PLXDC2: variants seen among roughly 807,000 people sequenced by gnomAD.
PLXDC2 encodes plexin domain containing 2.
PLXDC2 carries 40 observed loss-of-function variants against 68.9 expected under a neutral mutation model. That is an observed-to-expected ratio of 0.58 (90% CI 0.45 to 0.76). The LOEUF is 0.76. Among genes scored for constraint, PLXDC2 ranks in the 30% least tolerant of loss-of-function variants. The pLI is 0.00. For missense variants in PLXDC2, 644 were observed against 661.9 expected (o/e 0.97, Z 0.30); for synonymous variants, 243 against 234.2 (o/e 1.04, Z -0.34).
At chr10:20,148,322 G>A (rs551205369) in intron 6 of PLXDC2, among the ~76,000 whole-genome samples, 107 of 151,096 alleles carry the variant, frequency 7.1e-4, no homozygotes, top group African/African-American at 2.4e-3. Context: ...AATTTCAAAA[G>A]CATTTATAGA....
chr10:19,948,956 C>A (rs1011598140), intron 1 of PLXDC2, among the ~76,000 whole-genome samples: 3 of 151,520 alleles, frequency 2.0e-5, no homozygotes, highest in Non-Finnish European at 4.4e-5. Flanking sequence ...ATGGTGAAAC[C>A]CTGTCTTTAC....
chr10:19,817,001 C>A lies in PLXDC2; in HGVS notation c.-79C>A. On this transcript the variant is annotated 5_prime_UTR_variant, in exon 1 of 14. Coordinates refer to ENST00000377252, the MANE Select transcript of PLXDC2 (RefSeq NM_032812.9). ...CGAGACCGATCCGCAGCGTTTGGCC[C>A]GGTCGTGCCTATTGCATCGGGAGCC... 9.4e-7 allele frequency: 1 copy of A among 1,062,990 alleles called. No individual in the cohort carries two copies. The highest frequency in any genetic ancestry group is 1.4e-6 in the Non-Finnish European group (1 of 719,522). The allele number at this position is 1,062,990 out of a possible 1,614,324, so 65.8% of individuals were successfully genotyped here.
intron 1 of PLXDC2, among the ~76,000 whole-genome samples, chr10:19,839,184 C>T (rs1030295421): frequency 8.5e-6 from 1 of 118,326 alleles, no homozygotes; most frequent in Non-Finnish European, 1.7e-5. Context: ...GAAACTCAGT[C>T]TCAAAAAAAA....
At chr10:20,134,371 G>T (rs1278145445) in intron 4 of PLXDC2, among the ~76,000 whole-genome samples, 3 of 152,164 alleles carry the variant, frequency 2.0e-5, no homozygotes, top group African/African-American at 4.8e-5. Flanking sequence ...TGTTGACAAA[G>T]AATGTCCTTC....
intron 1 of PLXDC2, among the ~76,000 whole-genome samples, chr10:19,839,414 C>T (rs1411300347): frequency 3.3e-5 from 5 of 152,128 alleles, no homozygotes; most frequent in African/African-American, 9.7e-5. Context: ...GTGAGCTTTA[C>T]GTGTGTCCCA....
At chr10:20,129,556 T>C (rs1176818767) in intron 4 of PLXDC2, among the ~76,000 whole-genome samples, 2 of 151,284 alleles carry the variant, frequency 1.3e-5, no homozygotes, top group Admixed American at 1.3e-4. Flanking sequence ...CACATATATA[T>C]GTGTATATAT....
chr10:19,983,126 C>G lies in PLXDC2; in HGVS notation c.113-18649C>G, dbSNP rs1442250316. On this transcript the variant is annotated intron_variant, in intron 1 of 13. Coordinates refer to ENST00000377252, the MANE Select transcript of PLXDC2 (RefSeq NM_032812.9). ...TAAGCAGCATATCTCTGTAGGTAACCTCCACTTAATCACTAAAGAGAAAAT... is the reference window on the plus strand; with the variant it reads ...TAAGCAGCATATCTCTGTAGGTAACGTCCACTTAATCACTAAAGAGAAAAT... Among the ~76,000 whole-genome samples the G allele has an allele frequency of 2.0e-5, 3 of 152,166 alleles. No individual in the cohort carries two copies. In the South Asian group the frequency reaches 6.2e-4, roughly 32 times the overall value.
At chr10:19,898,679 G>A (rs1300674943) in intron 1 of PLXDC2, among the ~76,000 whole-genome samples, 1 of 152,128 alleles carries the variant, frequency 6.6e-6, no homozygotes, top group Non-Finnish European at 1.5e-5. Context: ...CTGGATCAGT[G>A]GAAGTTGAGA....
At chr10:20,074,821 A>T (rs1836410486) in intron 4 of PLXDC2, among the ~76,000 whole-genome samples, 1 of 151,944 alleles carries the variant, frequency 6.6e-6, no homozygotes, top group Non-Finnish European at 1.5e-5. Flanking sequence ...TGGTGTATCC[A>T]TTAACTTTCT....
chr10:19,992,706 C>A (rs147821261), intron 1 of PLXDC2, among the ~76,000 whole-genome samples: 1 of 152,138 alleles, frequency 6.6e-6, no homozygotes, highest in African/African-American at 2.4e-5. Context: ...AAAACAACAA[C>A]CAATATTACT....
chr10:19,922,706 T>C (rs564482893), intron 1 of PLXDC2, among the ~76,000 whole-genome samples: 1 of 152,330 alleles, frequency 6.6e-6, no homozygotes, highest in East Asian at 1.9e-4. Context: ...CTCAGCTTAG[T>C]GATTTCAGTG....
chr10:19,848,629 G>A (rs1398288234), intron 1 of PLXDC2, among the ~76,000 whole-genome samples: 1 of 152,188 alleles, frequency 6.6e-6, no homozygotes, highest in Admixed American at 6.5e-5. Flanking sequence ...AATAACTGTT[G>A]TCATTGTTGT....
At chr10:20,228,474 A>G (rs1260664435) in intron 12 of PLXDC2, among the ~76,000 whole-genome samples, 1 of 152,010 alleles carries the variant, frequency 6.6e-6, no homozygotes, top group Non-Finnish European at 1.5e-5. Flanking sequence ...AGGTGGGAGG[A>G]TTGCTTGAGA....
At chr10:19,857,317 C>T (rs181056657) in intron 1 of PLXDC2, among the ~76,000 whole-genome samples, 31 of 152,278 alleles carry the variant, frequency 2.0e-4, no homozygotes, top group Admixed American at 1.0e-3. Context: ...AATCCTCTCT[C>T]GCTGTCCTCT....
chr10:19,935,787 G>C (rs1295233898), intron 1 of PLXDC2, among the ~76,000 whole-genome samples: 1 of 152,188 alleles, frequency 6.6e-6, no homozygotes, highest in Non-Finnish European at 1.5e-5. Flanking sequence ...GTATTCAAAA[G>C]CACATTTTAG....
chr10:19,911,226 A>T (rs1278739271), intron 1 of PLXDC2, among the ~76,000 whole-genome samples: 1 of 151,956 alleles, frequency 6.6e-6, no homozygotes, highest in Admixed American at 6.6e-5. Flanking sequence ...GGCCAGAAAC[A>T]TGAAAGGAAT....
chr10:20,025,639 A>G (rs1835387535), intron 2 of PLXDC2, among the ~76,000 whole-genome samples: 1 of 152,076 alleles, frequency 6.6e-6, no homozygotes, highest in Non-Finnish European at 1.5e-5. Context: ...TTCTCTGACG[A>G]TTAGTGGTGA....
At chr10:20,057,639 G>C (rs1836022053) in intron 3 of PLXDC2, among the ~76,000 whole-genome samples, 1 of 152,014 alleles carries the variant, frequency 6.6e-6, no homozygotes, top group Admixed American at 6.6e-5. Context: ...GGGACTGGAA[G>C]TGAAACCCTA....
At chr10:20,009,363 T>C (rs1024226642) in intron 2 of PLXDC2, among the ~76,000 whole-genome samples, 12 of 152,132 alleles carry the variant, frequency 7.9e-5, no homozygotes, top group African/African-American at 2.9e-4. Flanking sequence ...AATGTGAAAA[T>C]CTGATGGAGT....
Sources: gnomAD v4.1 joint callset for allele counts (sites outside exome capture counted in the v4.1 genomes callset) on GRCh38, gnomAD v4.1.1 for gene constraint, MANE v1.5 for transcripts, NCBI Gene and HGNC (gene_info 2026-07-23, HGNC 2026-07-21) for gene names.